Variants in SEZ6L2 observed in about 807,000 individuals in gnomAD.
SEZ6L2 encodes the protein seizure related 6 homolog like 2, also known as seizure 6-like protein 2.
In SEZ6L2, 44 loss-of-function variants were observed where a neutral mutation model predicts 97.0. That is an observed-to-expected ratio of 0.45 (90% CI 0.36 to 0.58). SEZ6L2 has a LOEUF of 0.58. Ranked by LOEUF, SEZ6L2 falls within the 20% of genes least tolerant of loss-of-function variation. SEZ6L2 has a pLI of 0.00. For synonymous variants in SEZ6L2, 543 were observed against 546.1 expected (o/e 0.99, Z 0.08); for missense variants, 1,086 against 1,233.3 (o/e 0.88, Z 1.79).
At chr16:29,875,828 A>G (rs1043891488) in intron 12 of SEZ6L2, among the ~76,000 whole-genome samples, 13 of 151,848 alleles carry the variant, frequency 8.6e-5, no homozygotes, top group African/African-American at 2.4e-4. Context: ...ATGCCCAGAT[A>G]GTTTTTTATT....
At chr16:29,893,524 G>T (rs2068316143) in intron 5 of SEZ6L2, among the ~76,000 whole-genome samples, 1 of 151,602 alleles carries the variant, frequency 6.6e-6, no homozygotes, top group Admixed American at 6.6e-5. Flanking sequence ...GCAGGTGCCT[G>T]TAATCCCAGA....
At chr16:29,885,105 G>T (rs1456283731) in intron 8 of SEZ6L2, among the ~76,000 whole-genome samples, 1 of 152,320 alleles carries the variant, frequency 6.6e-6, no homozygotes, top group Middle Eastern at 3.4e-3. Flanking sequence ...CTACTCGGGA[G>T]GCTGAGGCAG....
Position 29,879,895 on chromosome 16 carries a change from G to A in SEZ6L2, c.1542C>T (p.Pro514=), listed in dbSNP as rs1596968599. The change falls in exon 9 of 18, where the codon CCC becomes CCT. Residue 514 remains proline, a synonymous_variant. Transcript: ENST00000617533. ...NAIECVDPTE[P]HWNDTEPACK... ...AGGCCGGCTCTGTGTCGTTCCAGTG[G>A]GGTTCTGTGGGATCCACACATTCGA... 1 of 1,611,552 alleles carries A rather than the reference G, an allele frequency of 6.2e-7. No individual in the cohort carries two copies. Among genetic ancestry groups the A allele is most frequent in the Non-Finnish European group, 8.5e-7 (1 of 1,178,268 alleles).
chr16:29,876,687 A>G lies in SEZ6L2; in HGVS notation c.2104+69T>C. On this transcript the variant is annotated intron_variant, in intron 12 of 17. Transcript: ENST00000617533. This position sits in a 1 kb window ranked among gnomAD's most constrained non-coding sequence, Gnocchi z 6.5. Reference sequence around the variant, plus strand: ...ACCCAGAAAGCACGGGGGTCGGGACAGGACAGGCCGACGACGGGGCCCACA... The same window carrying G: ...ACCCAGAAAGCACGGGGGTCGGGACGGGACAGGCCGACGACGGGGCCCACA... 7.1e-7 allele frequency: 1 copy of G among 1,408,378 alleles called. No homozygotes were observed. The highest frequency in any genetic ancestry group is 9.5e-7 in the Non-Finnish European group (1 of 1,052,268). 87.2% of individuals were successfully genotyped at this position (1,408,378 alleles called of 1,614,324 possible). A position where few individuals can be genotyped will look rare whatever the true frequency, so the allele number is the denominator to read the frequency against.
chr16:29,899,084 G>A lies in SEZ6L2; in HGVS notation c.-65C>T. On this transcript the variant is annotated 5_prime_UTR_variant, in exon 1 of 18. In the 5' UTR this introduces an upstream ATG that the reference lacks. Transcript: ENST00000617533. ...GTAATCTGGCTGCCACCTTTCCTCC[G>A]TCTCCGTTTATCTTTCCCTTTAATT... The A allele has an allele frequency of 9.6e-7, 1 of 1,036,696 alleles. No homozygotes were observed. The highest frequency in any genetic ancestry group is 1.4e-6 in the Non-Finnish European group (1 of 706,504). The allele number at this position is 1,036,696 out of a possible 1,614,324, so 64.2% of individuals were successfully genotyped here. A position where few individuals can be genotyped will look rare whatever the true frequency, so the allele number is the denominator to read the frequency against.
chr16:29,890,566 C>T (rs1404231941), intron 5 of SEZ6L2, among the ~76,000 whole-genome samples: 1 of 152,042 alleles, frequency 6.6e-6, no homozygotes, highest in Non-Finnish European at 1.5e-5. Flanking sequence ...TTTCCACCTC[C>T]ATATTTTCGC....
intron 9 of SEZ6L2, among the ~76,000 whole-genome samples, chr16:29,878,768 T>C (rs192588334): frequency 1.3e-3 from 193 of 148,944 alleles, no homozygotes; most frequent in Middle Eastern, 0.01. Context: ...TTTTTCTTTT[T>C]TTTTTTTTTT....
intron 5 of SEZ6L2, among the ~76,000 whole-genome samples, chr16:29,889,292 A>G (rs2068218041): frequency 6.6e-6 from 1 of 152,102 alleles, no homozygotes; most frequent in African/African-American, 2.4e-5. Flanking sequence ...TACGAAAATT[A>G]GCCAGGCGTG....
chr16:29,888,740 C>G lies in SEZ6L2; in HGVS notation c.854-15G>C, dbSNP rs770951866. 5 of 1,597,750 alleles carry G rather than the reference C, an allele frequency of 3.1e-6. No individual in the cohort carries two copies. Among genetic ancestry groups the G allele is most frequent in the Admixed American group, 1.7e-5 (1 of 59,212 alleles). ...CAGGAGGTAGGCTGCACCAGACAGA[C>G]AGCGGGTAGCAGGGCTCACTTTCCC... On this transcript the variant is annotated splice_polypyrimidine_tract_variant and intron_variant, in intron 5 of 17. Coordinates refer to ENST00000617533, the MANE Select transcript of SEZ6L2 (RefSeq NM_001243332.2).
In SEZ6L2 at chr16:29,877,455, C is replaced by A. The variant is rs1284305750; in HGVS notation, c.1725G>T (p.Arg575=). The A allele has an allele frequency of 6.3e-7, 1 of 1,596,058 alleles. No individual in the cohort carries two copies. The highest frequency in any genetic ancestry group is 1.3e-5 in the African/African-American group (1 of 74,466). Residue 575 remains arginine (R), a synonymous_variant, in exon 11 of 18, where the codon CGG becomes CGT. Coordinates refer to ENST00000617533, the MANE Select transcript of SEZ6L2 (RefSeq NM_001243332.2). ...ILLQVEILNV[R]EGDMLTLFDG... ...CGAACAGCGTCAGCATGTCCCCTTC[C>A]CGCACATTCAATCTGCAGGGGGTGA...
intron 9 of SEZ6L2, among the ~76,000 whole-genome samples, chr16:29,878,855 T>C (rs2067970443): frequency 6.6e-6 from 1 of 150,598 alleles, no homozygotes; most frequent in African/African-American, 2.5e-5. Flanking sequence ...TCTGCCCGCC[T>C]TGGCCTCCCA....
At chr16:29,898,074 C>A in intron 1 of SEZ6L2, 90 bp from the exon 2 acceptor site, 1 of 1,567,586 alleles carries the variant, frequency 6.4e-7, no homozygotes. Flanking sequence ...CTCCCTCCTC[C>A]ATCAGCTGGG....
intron 6 of SEZ6L2, 46 bp from the exon 7 acceptor site, chr16:29,887,863 G>C: frequency 1.3e-6 from 2 of 1,598,296 alleles, no homozygotes; most frequent in Non-Finnish European, 1.7e-6. Flanking sequence ...GAGGTGAACT[G>C]TCCTTCTCCT....
chr16:29,881,620 CTTTTTTTT>C (rs59318540), intron 8 of SEZ6L2, among the ~76,000 whole-genome samples: 54 of 85,128 alleles, frequency 6.3e-4, no homozygotes, highest in Non-Finnish European at 7.6e-4. Context: ...ATGAGGAATT[CTTTTTTTT>C]TTTTTTTTTT....
chr16:29,884,507 G>A (rs1384854966), intron 8 of SEZ6L2, among the ~76,000 whole-genome samples: 1 of 151,778 alleles, frequency 6.6e-6, no homozygotes, highest in Non-Finnish European at 1.5e-5. Flanking sequence ...AATGAGAATC[G>A]CTTGAACCTG....
At chr16:29,888,777 T>C in intron 5 of SEZ6L2, 52 bp from the exon 6 acceptor site, 1 of 1,499,700 alleles carries the variant, frequency 6.7e-7, no homozygotes, top group East Asian at 2.3e-5. Flanking sequence ...TGCCACCCTC[T>C]CATACTGATC....
chr16:29,876,756 T>C lies in SEZ6L2; in HGVS notation c.2104A>G (p.Ile702Val). Residue 702 changes from isoleucine (I) to valine (V), a missense_variant and splice_region_variant, in exon 12 of 18, where the codon ATC becomes GTC. Ile to Val is a conservative substitution (Grantham distance 29). Coordinates refer to ENST00000617533, the MANE Select transcript of SEZ6L2 (RefSeq NM_001243332.2). This position sits in a 1 kb window ranked among gnomAD's most constrained non-coding sequence, Gnocchi z 6.5. Reference protein sequence around the residue: ...WSAAPPACQKIMTCADPGEIA... With the variant: ...WSAAPPACQKVMTCADPGEIA... ...GGGGACGCGGGCGGGGCCGGCTCAC[T>C]CTTTTGGCAGGCGGGCGGCGCGGCG... 6.5e-7 allele frequency: 1 copy of C among 1,542,014 alleles called. No homozygotes were observed. The highest frequency in any genetic ancestry group is 8.8e-7 in the Non-Finnish European group (1 of 1,141,054).
At chr16:29,897,273 C>G (rs1394348669) in intron 2 of SEZ6L2, 152 bp from the exon 3 acceptor site, 5 of 650,692 alleles carry the variant, frequency 7.7e-6, no homozygotes, top group Non-Finnish European at 1.0e-5. Context: ...CTTCCCCACC[C>G]CAGCCCCTAC....
At chr16:29,897,430 C>T (rs2068428569) in intron 2 of SEZ6L2, among the ~76,000 whole-genome samples, 1 of 151,888 alleles carries the variant, frequency 6.6e-6, no homozygotes, top group Non-Finnish European at 1.5e-5. Flanking sequence ...CTGGTTATCT[C>T]CTCTCTCCTC....
Sources: gnomAD v4.1 joint callset for allele counts (sites outside exome capture counted in the v4.1 genomes callset) on GRCh38, gnomAD v4.1.1 for gene constraint, Gnocchi (gnomAD v3.1) non-coding constraint, MANE v1.5 for transcripts, NCBI Gene and HGNC (gene_info 2026-07-23, HGNC 2026-07-21) for gene names.